The following PTPRJ variants were observed in gnomAD, a reference collection of about 807,000 sequenced individuals.
PTPRJ encodes protein tyrosine phosphatase receptor type J.
A neutral mutation model predicts 141.3 loss-of-function variants in PTPRJ; 129 were observed. The observed-to-expected ratio is 0.91, with a 90% confidence interval of 0.79 to 1.06. The LOEUF (loss-of-function observed/expected upper bound fraction) is 1.06. PTPRJ is among the 50% of genes least tolerant of loss of function. PTPRJ has a pLI of 0.00. For synonymous variants in PTPRJ, 610 were observed against 640.5 expected (o/e 0.95, Z 0.72); for missense variants, 1,601 against 1,679.7 (o/e 0.95, Z 0.82).
At position 48,130,482 on chromosome 11, in the gene PTPRJ, C is replaced by G; in HGVS notation, c.1381C>G (p.Arg461Gly). Residue 461 changes from arginine (R) to glycine (G), a missense_variant, in exon 8 of 25, where the codon CGA becomes GGA. By Grantham distance (125) the Arg-to-Gly change is moderately radical (BLOSUM62 -2). Transcript: ENST00000418331. ...AGCCCCTGTTCCAGTTTCTGACTTC[C>G]GAGTGACAGTGGTCAGCACGACGGA... ...HTPPVPVSDF[R>G]VTVVSTTEIG... 1.2e-6 allele frequency: 2 copies of G among 1,611,310 alleles called. No homozygotes were observed. The highest frequency in any genetic ancestry group is 1.7e-6 in the Non-Finnish European group (2 of 1,178,288).
At chr11:48,047,924 G>C (rs1854453661) in intron 1 of PTPRJ, among the ~76,000 whole-genome samples, 1 of 152,046 alleles carries the variant, frequency 6.6e-6, no homozygotes, top group African/African-American at 2.4e-5. Flanking sequence ...TCTTGTGGGG[G>C]CTTTTGTGGG....
chr11:48,069,111 T>A (rs1005396721), intron 1 of PTPRJ, among the ~76,000 whole-genome samples: 4 of 152,060 alleles, frequency 2.6e-5, no homozygotes, highest in African/African-American at 7.2e-5. Flanking sequence ...TTCTTTTTTT[T>A]TTTTTTCAGA....
intron 1 of PTPRJ, among the ~76,000 whole-genome samples, chr11:48,054,153 T>TG (rs1854690740): frequency 6.6e-6 from 1 of 151,956 alleles, no homozygotes. Context: ...AGGCTGGTCT[T>TG]GAACACCTGA....
intron 4 of PTPRJ, 40 bp from the exon 5 acceptor site, chr11:48,123,573 A>G (rs971470716): frequency 6.3e-7 from 1 of 1,590,006 alleles, no homozygotes; most frequent in African/African-American, 1.3e-5. Context: ...GTGACTGCAT[A>G]TATCTTGTTC....
chr11:47,986,716 A>G lies in PTPRJ; in HGVS notation c.96+5708A>G, dbSNP rs192395934. The stretch of plus-strand genomic sequence containing the variant: ...ATTTTAGTTGAGACGGGGTTTCACC[A>G]CATTGGCCAGGCTGGTCTTTAACTC... On this transcript the variant is annotated intron_variant, in intron 1 of 24. Coordinates refer to ENST00000418331, the MANE Select transcript of PTPRJ (RefSeq NM_002843.4). Among the ~76,000 whole-genome samples, 118 of 152,232 alleles carry G rather than the reference A, an allele frequency of 7.8e-4. 2 individuals are homozygous for G. Among genetic ancestry groups the G allele is most frequent in the Admixed American group, 2.6e-3 (39 of 15,274 alleles).
rs1413232747 is a variant in PTPRJ, at chr11:48,164,434, G to T, written c.3774G>T (p.Gln1258His). The T allele has an allele frequency of 1.9e-6, 3 of 1,614,018 alleles. No homozygotes were observed. The highest frequency in any genetic ancestry group is 2.5e-6 in the Non-Finnish European group (3 of 1,179,958). ...TFIAIDRLIY[Q>H]IENENTVDVY... ...TTGCCATTGATCGTCTCATCTACCA[G>T]ATAGAGAATGAGAACACCGTGGATG... The change falls in exon 24 of 25, where the codon CAG becomes CAT. Residue 1258 changes from glutamine (Q) to histidine (H), a missense_variant. Coordinates refer to ENST00000418331, the MANE Select transcript of PTPRJ (RefSeq NM_002843.4).
chr11:48,046,906 A>ATT (rs1854415983), intron 1 of PTPRJ, among the ~76,000 whole-genome samples: 2 of 84,294 alleles, frequency 2.4e-5, no homozygotes, highest in African/African-American at 8.7e-5. Flanking sequence ...ATATATATAT[A>ATT]TATATATTTT....
At chr11:48,040,019 C>T (rs1278103998) in intron 1 of PTPRJ, among the ~76,000 whole-genome samples, 1 of 152,206 alleles carries the variant, frequency 6.6e-6, no homozygotes, top group Non-Finnish European at 1.5e-5. Flanking sequence ...GAACTCCTGA[C>T]CTCAAGTGAT....
chr11:48,029,891 C>G (rs1853934115), intron 1 of PTPRJ, among the ~76,000 whole-genome samples: 1 of 152,170 alleles, frequency 6.6e-6, no homozygotes, highest in African/African-American at 2.4e-5. Context: ...TTGGCCCCCA[C>G]TCCCTTCCAT....
chr11:48,053,230 T>TATATATAATATATTTATATA (rs1212685159), intron 1 of PTPRJ, among the ~76,000 whole-genome samples: 1,369 of 87,158 alleles, frequency 0.016, 57 homozygotes, highest in African/African-American at 0.067. Context: ...TTAAATATAT[T>TATATATAATATATTTATATA]ATATATAATA....
intron 3 of PTPRJ, among the ~76,000 whole-genome samples, chr11:48,116,943 G>T (rs1856579397): frequency 1.3e-5 from 2 of 152,146 alleles, no homozygotes; most frequent in South Asian, 2.1e-4. Flanking sequence ...CCTCCTTCAT[G>T]AAATTGCTGT....
chr11:48,139,442 G>T (rs1857180949), intron 10 of PTPRJ, 44 bp from the exon 11 acceptor site: 1 of 1,594,156 alleles, frequency 6.3e-7, no homozygotes, highest in Non-Finnish European at 8.6e-7. Context: ...GTTTGCAAAG[G>T]CAAAAGTCCC....
chr11:48,035,849 C>T (rs185433257), intron 1 of PTPRJ, among the ~76,000 whole-genome samples: 1 of 152,196 alleles, frequency 6.6e-6, no homozygotes, highest in East Asian at 1.9e-4. Context: ...GCTTTCTTCC[C>T]CCTCTGTCTT....
intron 22 of PTPRJ, among the ~76,000 whole-genome samples, chr11:48,161,123 A>G (rs1857760976): frequency 7.0e-6 from 1 of 141,866 alleles, no homozygotes; most frequent in South Asian, 2.4e-4. Flanking sequence ...GGCTGCAGTG[A>G]ACCGAGATTG....
At chr11:48,073,092 G>A (rs1406395990) in intron 1 of PTPRJ, among the ~76,000 whole-genome samples, 1 of 152,124 alleles carries the variant, frequency 6.6e-6, no homozygotes, top group Non-Finnish European at 1.5e-5. Flanking sequence ...TTACGATGGG[G>A]GTGGTCTCCA....
chr11:48,140,103 C>G (rs758422112), intron 11 of PTPRJ, among the ~76,000 whole-genome samples: 3 of 152,160 alleles, frequency 2.0e-5, no homozygotes, highest in Non-Finnish European at 4.4e-5. Context: ...GACGCAATCT[C>G]AGCTCACTGC....
chr11:48,122,654 A>G (rs921757686), intron 4 of PTPRJ, among the ~76,000 whole-genome samples: 1 of 152,232 alleles, frequency 6.6e-6, no homozygotes, highest in Non-Finnish European at 1.5e-5. Flanking sequence ...CATAACAGCT[A>G]TCCACAGTCA....
intron 14 of PTPRJ, among the ~76,000 whole-genome samples, chr11:48,145,834 T>C (rs987214340): frequency 6.6e-6 from 1 of 152,244 alleles, no homozygotes; most frequent in Middle Eastern, 3.4e-3. Context: ...GCTGGGATTA[T>C]AGGCGTGAGC....
rs547884879 is a variant in PTPRJ, at chr11:48,036,204, AT to A, written c.96+55197del. Among the ~76,000 whole-genome samples the A allele has an allele frequency of 3.8e-3, 584 of 152,306 alleles. 3 individuals are homozygous for A. Among genetic ancestry groups the A allele is most frequent in the Non-Finnish European group, 5.9e-3 (399 of 68,028 alleles). Reference sequence around the variant, plus strand: ...TTGAAGAAATGACACACTGACCTACATCTTGGCTGAAACAGATAGAAGAGTC... The same window carrying A: ...TTGAAGAAATGACACACTGACCTACACTTGGCTGAAACAGATAGAAGAGTC... On this transcript the variant is annotated intron_variant, in intron 1 of 24. Transcript: ENST00000418331.
Sources: allele counts gnomAD v4.1 joint callset (sites outside exome capture counted in the v4.1 genomes callset), GRCh38; gene constraint gnomAD v4.1.1; transcripts MANE v1.5; gene names NCBI Gene and HGNC (gene_info 2026-07-23, HGNC 2026-07-21).